ABCB1: variants seen among roughly 807,000 people sequenced by gnomAD.
The protein encoded by ABCB1 is ATP-dependent translocase ABCB1.
In ABCB1, 69 loss-of-function variants were observed where a neutral mutation model predicts 142.0. The ratio of observed to expected loss-of-function variants is 0.49; its 90% CI spans 0.40 to 0.59. ABCB1 has a LOEUF of 0.59. Ranked by LOEUF, ABCB1 falls within the 20% of genes least tolerant of loss-of-function variation. The pLI is 0.00. For synonymous variants in ABCB1, 532 were observed against 539.2 expected (o/e 0.99, Z 0.18); for missense variants, 1,326 against 1,554.7 (o/e 0.85, Z 2.47).
chr7:87,626,091 T>TCATATATATATCTCATATATATGTGTC (rs368542374), intron 1 of ABCB1, among the ~76,000 whole-genome samples: 4 of 95,794 alleles, frequency 4.2e-5, no homozygotes, highest in African/African-American at 2.5e-4. Flanking sequence ...TATATATATA[T>TCATATATATATCTCATATATATGTGTC]ATATATATTG....
At chr7:87,628,172 C>G (rs371099932) in intron 1 of ABCB1, among the ~76,000 whole-genome samples, 16 of 152,344 alleles carry the variant, frequency 1.1e-4, no homozygotes, top group East Asian at 9.7e-4. Context: ...TCCCACAATC[C>G]CCGCGGCTAG....
chr7:87,608,478 C>T (rs1261084339), intron 1 of ABCB1, among the ~76,000 whole-genome samples: 1 of 152,178 alleles, frequency 6.6e-6, no homozygotes, highest in African/African-American at 2.4e-5. Context: ...AGGGAAATTC[C>T]TTTGACATTC....
rs1262501726 is a variant in ABCB1 at position 87,516,501 on chromosome 7, A to T, written c.3084+8T>A. ...GAGTAGATCAAACAGTTGAAACATC[A>T]AACTCACCGGCATTAGGCCTTCCGT... On this transcript the variant is annotated splice_region_variant and intron_variant, in intron 24 of 27. Coordinates refer to ENST00000622132, the MANE Select transcript of ABCB1 (RefSeq NM_001348946.2). 2 of 1,614,188 alleles carry T rather than the reference A, an allele frequency of 1.2e-6. No individual in the cohort carries two copies. The highest frequency in any genetic ancestry group is 4.5e-5 in the East Asian group (2 of 44,882).
Position 87,553,907 on chromosome 7 carries a change from T to C in ABCB1, c.853A>G (p.Lys285Glu), listed in dbSNP as rs200148661. 1.8e-5 allele frequency: 29 copies of C among 1,613,994 alleles called. No homozygotes were observed. Among genetic ancestry groups the C allele is most frequent in the Non-Finnish European group, 2.3e-5 (27 of 1,179,886 alleles). Residue 285 changes from lysine (K) to glutamate (E), a missense_variant, in exon 9 of 28, where the codon AAA (lysine) becomes GAA (glutamate). Lys to Glu is a moderately conservative substitution (Grantham distance 56). Transcript: ENST00000622132. ...ATAGCTTTCTTTATCCCAATTCTTT[T>C]AGCTTCTTCTAAATTTTTGTTGTAC... Reference protein sequence around the residue: ...ERYNKNLEEAKRIGIKKAITA... With the variant: ...ERYNKNLEEAERIGIKKAITA...
At chr7:87,521,849 A>G in intron 21 of ABCB1, 1 of 772,730 alleles carries the variant, frequency 1.3e-6, no homozygotes. Context: ...TAGTATGGAA[A>G]AATTGAAGTG....
intron 7 of ABCB1, among the ~76,000 whole-genome samples, chr7:87,562,215 T>C (rs1418290935): frequency 6.6e-6 from 1 of 152,218 alleles, no homozygotes; most frequent in Admixed American, 6.5e-5. Context: ...GCTAGAGGAA[T>C]GGGTGGATGA....
At chr7:87,686,140 C>T (rs1171797199) in intron 1 of ABCB1, among the ~76,000 whole-genome samples, 2 of 151,984 alleles carry the variant, frequency 1.3e-5, no homozygotes, top group Admixed American at 1.3e-4. Flanking sequence ...TTTTGGCTTC[C>T]CTCCACCCAC....
At position 87,549,981 on chromosome 7, in the gene ABCB1, T is replaced by C; in HGVS notation, c.1424A>G (p.Gln475Arg). ...FLREIIGVVS[Q>R]EPVLFATTIA... ...CGTGGTGGCAAACAATACAGGTTCC[T>C]GACTCACCACACCAATGATTTCCCG... Residue 475 changes from glutamine (Q) to arginine (R), a missense_variant, in exon 13 of 28, where the codon CAG (glutamine) becomes CGG (arginine). Coordinates refer to ENST00000622132, the MANE Select transcript of ABCB1 (RefSeq NM_001348946.2). The C allele has an allele frequency of 1.2e-6, 2 of 1,614,250 alleles. No homozygotes were observed. Among genetic ancestry groups the C allele is most frequent in the African/African-American group, 2.7e-5 (2 of 75,060 alleles).
At position 87,549,597 on chromosome 7, in the gene ABCB1, T is replaced by C. The variant is rs1816956921; in HGVS notation, c.1555-79A>G. On this transcript the variant is annotated intron_variant, in intron 13 of 27. Coordinates refer to ENST00000622132, the MANE Select transcript of ABCB1 (RefSeq NM_001348946.2). ...TATTTTAAATTGGTAAGGAATCCTA[T>C]ACACAGCCCAAGTCTCACAAGTAAT... The C allele has an allele frequency of 1.9e-6, 3 of 1,598,614 alleles. No individual in the cohort carries two copies. In the Admixed American group the frequency reaches 5.0e-5, roughly 27 times the overall value.
chr7:87,703,939 T>TTTTTTTTTTTTTTTTTTTTTTTTTTTTTG (rs1829360490), intron 1 of ABCB1, among the ~76,000 whole-genome samples: 1 of 130,584 alleles, frequency 7.7e-6, no homozygotes, highest in African/African-American at 2.9e-5. Flanking sequence ...TTTTTTTTTT[T>TTTTTTTTTTTTTTTTTTTTTTTTTTTTTG]TGAGACAGTC....
At position 87,510,369 on chromosome 7, in the gene ABCB1, G is replaced by A. The variant is rs191393858; in HGVS notation, c.3283-888C>T. On this transcript the variant is annotated intron_variant, in intron 25 of 27. Coordinates refer to ENST00000622132, the MANE Select transcript of ABCB1 (RefSeq NM_001348946.2). ...AATGGAGATCCTCAATACTGAGCCA[G>A]ATGAGTAGGAACAGAGGGCTGCCCT... 1.1e-3 allele frequency among the ~76,000 whole-genome samples: 173 copies of A among 152,364 alleles called. 1 individual carries two copies. The highest frequency in any genetic ancestry group is 9.1e-4 in the Non-Finnish European group (62 of 68,042).
intron 1 of ABCB1, among the ~76,000 whole-genome samples, chr7:87,607,950 A>G (rs1427348196): frequency 6.6e-6 from 1 of 152,214 alleles, no homozygotes; most frequent in African/African-American, 2.4e-5. Flanking sequence ...CTGAACTTAT[A>G]TATCTAAAGT....
At chr7:87,664,151 A>G (rs1056531798) in intron 1 of ABCB1, among the ~76,000 whole-genome samples, 19 of 152,058 alleles carry the variant, frequency 1.2e-4, no homozygotes, top group African/African-American at 4.6e-4. Context: ...CACTTTTAAA[A>G]TAATATTAAA....
At chr7:87,689,923 ATG>A (rs1463927296) in intron 1 of ABCB1, among the ~76,000 whole-genome samples, 22 of 152,202 alleles carry the variant, frequency 1.4e-4, no homozygotes, top group Admixed American at 1.4e-3. Flanking sequence ...CCAAATGTTT[ATG>A]TGTGTTTGCA....
chr7:87,697,260 C>T (rs932238171), intron 1 of ABCB1, among the ~76,000 whole-genome samples: 1 of 152,068 alleles, frequency 6.6e-6, no homozygotes, highest in Non-Finnish European at 1.5e-5. Flanking sequence ...TTTTCCCTTG[C>T]CTATTTCTCT....
intron 25 of ABCB1, among the ~76,000 whole-genome samples, chr7:87,513,077 C>A (rs1409017866): frequency 6.6e-6 from 1 of 152,186 alleles, no homozygotes; most frequent in African/African-American, 2.4e-5. Context: ...GGTAAGCTAA[C>A]GGCTTAACTC....
At chr7:87,691,834 T>G (rs1828043344) in intron 1 of ABCB1, among the ~76,000 whole-genome samples, 2 of 152,164 alleles carry the variant, frequency 1.3e-5, no homozygotes, top group Non-Finnish European at 2.9e-5. Context: ...AAGGAGTAGG[T>G]CAGCTTGAAG....
chr7:87,598,206 ATTACT>A (rs1431448520), intron 2 of ABCB1, among the ~76,000 whole-genome samples: 1 of 152,224 alleles, frequency 6.6e-6, no homozygotes, highest in Non-Finnish European at 1.5e-5. Context: ...TATTTACAAA[ATTACT>A]TTATCTTTTT....
At chr7:87,529,518 C>T (rs1815938900) in intron 21 of ABCB1, among the ~76,000 whole-genome samples, 1 of 152,178 alleles carries the variant, frequency 6.6e-6, no homozygotes, top group African/African-American at 2.4e-5. Flanking sequence ...ACACATAATT[C>T]ATTTCCATCT....
Sources: gnomAD v4.1 joint callset for allele counts (sites outside exome capture counted in the v4.1 genomes callset) on GRCh38, gnomAD v4.1.1 for gene constraint, MANE v1.5 for transcripts, NCBI Gene and HGNC (gene_info 2026-07-23, HGNC 2026-07-21) for gene names.